The following AKT2 variants were observed in gnomAD, a reference collection of about 807,000 sequenced individuals.
The protein encoded by AKT2 is RAC-beta serine/threonine-protein kinase.
A neutral mutation model predicts 58.6 loss-of-function variants in AKT2; 16 were observed. The ratio of observed to expected loss-of-function variants is 0.27; its 90% CI spans 0.18 to 0.41. AKT2 has a LOEUF of 0.41. AKT2 is among the 10% of genes least tolerant of loss of function. The pLI is 1.00. For missense variants in AKT2, 438 were observed against 661.0 expected (o/e 0.66, Z 3.70); for synonymous variants, 253 against 254.0 (o/e 1.00, Z 0.04).
Position 40,235,994 on chromosome 19 carries a change from G to C in AKT2, c.1071C>G (p.Arg357=), listed in dbSNP as rs766822499. 2 of 1,613,994 alleles carry C rather than the reference G, an allele frequency of 1.2e-6. No individual in the cohort carries two copies. Among genetic ancestry groups the C allele is most frequent in the African/African-American group, 2.7e-5 (2 of 74,912 alleles). ...RLPFYNQDHE[R]LFELILMEEI... ...CTTCCATGAGGATGAGCTCGAAGAG[G>C]CGCTCGTGGTCCTGGTTGTAGAAGG... Residue 357 remains arginine (R), a synonymous_variant, in exon 11 of 14, where the codon CGC becomes CGG. Coordinates refer to ENST00000392038, the MANE Select transcript of AKT2 (RefSeq NM_001626.6). This position sits in a 1 kb window ranked among gnomAD's most constrained non-coding sequence, Gnocchi z 6.3.
intron 3 of AKT2, among the ~76,000 whole-genome samples, chr19:40,256,679 C>T (rs1423987307): frequency 6.6e-6 from 1 of 152,204 alleles, no homozygotes. Context: ...CACAAGGAGG[C>T]GATGCATGGG....
At chr19:40,248,194 C>T (rs79091119) in intron 4 of AKT2, among the ~76,000 whole-genome samples, 1 of 152,160 alleles carries the variant, frequency 6.6e-6, no homozygotes, top group East Asian at 1.9e-4. Flanking sequence ...TCCTGTGCCT[C>T]GGTGGGTGAG....
chr19:40,249,789 A>C (rs1975011140), intron 4 of AKT2, among the ~76,000 whole-genome samples: 1 of 152,242 alleles, frequency 6.6e-6, no homozygotes, highest in African/African-American at 2.4e-5. Context: ...CTGAACACCC[A>C]TTTGTGTGCC....
At chr19:40,283,640 A>G (rs1173945957) in intron 1 of AKT2, among the ~76,000 whole-genome samples, 1 of 152,174 alleles carries the variant, frequency 6.6e-6, no homozygotes, top group Admixed American at 6.5e-5. Context: ...CAAGGTCATG[A>G]TCTGGCCTAG....
At chr19:40,272,087 A>G (rs1370908753) in intron 1 of AKT2, among the ~76,000 whole-genome samples, 1 of 152,202 alleles carries the variant, frequency 6.6e-6, no homozygotes. Flanking sequence ...TACCAATATA[A>G]CCCTCACAGC....
intron 2 of AKT2, among the ~76,000 whole-genome samples, chr19:40,260,357 C>T (rs1409220252): frequency 6.6e-6 from 1 of 151,998 alleles, no homozygotes; most frequent in Non-Finnish European, 1.5e-5. Context: ...CGAGGCCGGG[C>T]TTGGTGGCTC....
chr19:40,257,796 G>C (rs1312878287), intron 2 of AKT2, among the ~76,000 whole-genome samples: 1 of 152,104 alleles, frequency 6.6e-6, no homozygotes, highest in South Asian at 2.1e-4. Flanking sequence ...TTCATACAAC[G>C]GAAAACTATT....
chr19:40,242,319 G>C lies in AKT2; in HGVS notation c.441+215C>G, dbSNP rs146959963. 23 of 879,356 alleles carry C rather than the reference G, an allele frequency of 2.6e-5. No individual in the cohort carries two copies. Among genetic ancestry groups the C allele is most frequent in the Non-Finnish European group, 3.9e-5 (22 of 562,924 alleles). 54.5% of individuals were successfully genotyped at this position (879,356 alleles called of 1,614,324 possible). On this transcript the variant is annotated intron_variant, in intron 5 of 13. Coordinates refer to ENST00000392038, the MANE Select transcript of AKT2 (RefSeq NM_001626.6). The surrounding 1 kb of genome is among the most constrained non-coding windows in gnomAD (Gnocchi z 4.3). ...CCAGGTCTTCACCAACTCCCAGGAC[G>C]AACCTGCAGTGGGTCCACCCAAGGT...
chr19:40,271,828 C>T (rs910812297), intron 1 of AKT2, among the ~76,000 whole-genome samples: 3 of 152,192 alleles, frequency 2.0e-5, no homozygotes, highest in Non-Finnish European at 2.9e-5. Flanking sequence ...CAACAGAACA[C>T]CTTCCCCTGG....
At chr19:40,283,863 T>C (rs571406097) in intron 1 of AKT2, among the ~76,000 whole-genome samples, 1 of 152,268 alleles carries the variant, frequency 6.6e-6, no homozygotes, top group Admixed American at 6.5e-5. Flanking sequence ...GCTCCCGGCC[T>C]CACTGCAAGG....
Position 40,237,616 on chromosome 19 carries a change from C to T in AKT2, c.831+353G>A, listed in dbSNP as rs28362958. ...GCCGAGATCACACCACTGCACTCAA[C>T]AGAGTAAGACTCCTCAAAAATAAAT... On this transcript the variant is annotated intron_variant, in intron 9 of 13. Transcript: ENST00000392038. The surrounding 1 kb of genome is among the most constrained non-coding windows in gnomAD (Gnocchi z 4.5). 40,866 of 277,824 alleles carry T rather than the reference C, an allele frequency of 0.15. 3,251 individuals are homozygous for T. Among genetic ancestry groups the T allele is most frequent in the African/African-American group, 0.2 (9,031 of 45,346 alleles). 17.2% of individuals were successfully genotyped at this position (277,824 alleles called of 1,614,324 possible). A position where few individuals can be genotyped will look rare whatever the true frequency, so the allele number is the denominator to read the frequency against.
intron 1 of AKT2, chr19:40,284,647 T>C (rs2077480657): frequency 6.6e-6 from 1 of 151,910 alleles, no homozygotes; most frequent in African/African-American, 2.4e-5. Context: ...CCCTTAAAGA[T>C]CACAAACATC....
In AKT2 at chr19:40,238,980, G is replaced by T. The variant is rs373508359; in HGVS notation, c.640-7C>A. The T allele has an allele frequency of 1.9e-6, 3 of 1,611,828 alleles. No individual in the cohort carries two copies. In the African/African-American group the frequency reaches 4.0e-5, roughly 21 times the overall value. Reference sequence around the variant, plus strand: ...GGAAGGCATACTTCAGCGCCTGGGGGATGAAGGCAGCAGGGTGGGAGGTGG... The same window carrying T: ...GGAAGGCATACTTCAGCGCCTGGGGTATGAAGGCAGCAGGGTGGGAGGTGG... On this transcript the variant is annotated splice_polypyrimidine_tract_variant and splice_region_variant and intron_variant, in intron 7 of 13. Coordinates refer to ENST00000392038, the MANE Select transcript of AKT2 (RefSeq NM_001626.6). This position sits in a 1 kb window ranked among gnomAD's most constrained non-coding sequence, Gnocchi z 5.1.
chr19:40,271,596 G>A (rs1385514337), intron 1 of AKT2, among the ~76,000 whole-genome samples: 6 of 152,116 alleles, frequency 3.9e-5, no homozygotes, highest in East Asian at 1.9e-4. Context: ...TGGTCCCAGC[G>A]TCTTGTGAGA....
intron 1 of AKT2, among the ~76,000 whole-genome samples, chr19:40,273,010 A>G (rs1458443237): frequency 2.0e-5 from 3 of 152,206 alleles, no homozygotes; most frequent in African/African-American, 4.8e-5. Flanking sequence ...AAGTCCTCCC[A>G]AAAGAGCCTG....
At position 40,238,633 on chromosome 19, in the gene AKT2, C is replaced by T. The variant is rs745432892; in HGVS notation, c.708+272G>A. On this transcript the variant is annotated intron_variant, in intron 8 of 13. Transcript: ENST00000392038. This position sits in a 1 kb window ranked among gnomAD's most constrained non-coding sequence, Gnocchi z 5.1. ...AAGACCATCCTTCCCAGTGCTATCG[C>T]CCCACAGCCCTCTCCACACCTCTCT... 1.9e-4 allele frequency among the ~76,000 whole-genome samples: 29 copies of T among 152,112 alleles called. No homozygotes were observed. The highest frequency in any genetic ancestry group is 4.0e-4 in the Non-Finnish European group (27 of 68,024).
In AKT2 at chr19:40,242,582, G is replaced by C. The variant is rs1446528369; in HGVS notation, c.393C>G (p.Ser131=). The change falls in exon 5 of 14, where the codon TCC becomes TCG. Residue 131 remains serine, a synonymous_variant. Transcript: ENST00000392038. The surrounding 1 kb of genome is among the most constrained non-coding windows in gnomAD (Gnocchi z 4.3). Reference sequence around the variant, plus strand: ...CCGCCACTTCCATCTCCTCAGTCGTGGAGGAGTCACTGGGGGAGCCACACT... The same window carrying C: ...CCGCCACTTCCATCTCCTCAGTCGTCGAGGAGTCACTGGGGGAGCCACACT... ...DYKCGSPSDS[S]TTEEMEVAVS... is the part of the protein sequence containing the mutation. 6.2e-7 allele frequency: 1 copy of C among 1,613,924 alleles called. No homozygotes were observed. The highest frequency in any genetic ancestry group is 1.1e-5 in the South Asian group (1 of 91,086).
At chr19:40,263,455 T>A (rs1305949735) in intron 2 of AKT2, among the ~76,000 whole-genome samples, 2 of 152,212 alleles carry the variant, frequency 1.3e-5, no homozygotes, top group Non-Finnish European at 2.9e-5. Flanking sequence ...GTTAACCCAC[T>A]TTATAGATGT....
Position 40,234,019 on chromosome 19 carries a change from C to G in AKT2, c.1367-68G>C. On this transcript the variant is annotated intron_variant, in intron 13 of 13. Coordinates refer to ENST00000392038, the MANE Select transcript of AKT2 (RefSeq NM_001626.6). The surrounding 1 kb of genome is among the most constrained non-coding windows in gnomAD (Gnocchi z 4.7). ...GGCCTGGGACACCTGCCCAGACTCC[C>G]TGGGGAAACGGCCCCAGCTGGCGGG... The G allele has an allele frequency of 1.3e-6, 2 of 1,534,166 alleles. No individual in the cohort carries two copies. The highest frequency in any genetic ancestry group is 1.8e-6 in the Non-Finnish European group (2 of 1,127,432).
Sources: allele counts gnomAD v4.1 joint callset (sites outside exome capture counted in the v4.1 genomes callset), GRCh38; gene constraint gnomAD v4.1.1; non-coding constraint Gnocchi (gnomAD v3.1); transcripts MANE v1.5; gene names NCBI Gene and HGNC (gene_info 2026-07-23, HGNC 2026-07-21).